RAB40B: variants seen among roughly 807,000 people sequenced by gnomAD.
The protein encoded by RAB40B is ras-related protein Rab-40B.
A neutral mutation model predicts 24.0 loss-of-function variants in RAB40B; 21 were observed. That is an observed-to-expected ratio of 0.88 (90% confidence interval 0.62 to 1.26). RAB40B has a LOEUF of 1.26. RAB40B is among the 50% of genes most tolerant of loss of function. The probability of loss-of-function intolerance (pLI) is 0.00; values close to 1 mark genes in which losing one functional copy is unlikely to be tolerated. For missense variants in RAB40B, 348 were observed against 390.5 expected (o/e 0.89, Z 0.92); for synonymous variants, 167 against 169.8 (o/e 0.98, Z 0.13).
intron 1 of RAB40B, among the ~76,000 whole-genome samples, chr17:82,690,901 G>A (rs558524309): frequency 6.6e-6 from 1 of 152,332 alleles, no homozygotes; most frequent in East Asian, 1.9e-4. Flanking sequence ...GGAGCATGGA[G>A]TGGGCACGCA....
Position 82,661,018 on chromosome 17 carries a change from G to T in RAB40B, c.233C>A (p.Thr78Asn). The T allele has an allele frequency of 2.5e-6, 4 of 1,614,080 alleles. No individual in the cohort carries two copies. In the East Asian group the frequency reaches 8.9e-5, roughly 36 times the overall value. The change falls in exon 3 of 6, where the codon ACC (threonine) becomes AAC (asparagine). Residue 78 changes from threonine (T) to asparagine (N), a missense_variant. Physicochemically the swap from Thr to Asn is moderately conservative, Grantham distance 65. Coordinates refer to ENST00000571995, the MANE Select transcript of RAB40B (RefSeq NM_006822.3). ...WDTSGQGRFCTIFRSYSRGAQ... is the reference protein window; with the variant it reads ...WDTSGQGRFCNIFRSYSRGAQ... ...GCCCCGGGAGTAGGAGCGGAATATG[G>T]TACAAAATCTTCCCTGGCCTGAAGT... is the stretch of plus-strand genomic sequence containing the variant.
chr17:82,659,813 A>G (rs2046139214), intron 3 of RAB40B, 156 bp from the exon 4 acceptor site: 1 of 628,856 alleles, frequency 1.6e-6, no homozygotes, highest in African/African-American at 1.8e-5. Context: ...TTTTATGATC[A>G]TTTTCAGTGA....
chr17:82,658,826 A>G, intron 4 of RAB40B, 113 bp from the exon 5 acceptor site: 1 of 932,296 alleles, frequency 1.1e-6, no homozygotes, highest in Non-Finnish European at 1.6e-6. Flanking sequence ...GTCCACCCAG[A>G]ACCTCAGCAT....
Position 82,679,004 on chromosome 17 carries a change from T to A in RAB40B, c.143-14448A>T, listed in dbSNP as rs1356614450. ...TTCACACCATTCTCCTGCCTCAGCC[T>A]CCCAGGTAGCTGGGACTACAGGCAC... On this transcript the variant is annotated intron_variant, in intron 1 of 5. Coordinates refer to ENST00000571995, the MANE Select transcript of RAB40B (RefSeq NM_006822.3). 4.1e-5 allele frequency among the ~76,000 whole-genome samples: 6 copies of A among 144,922 alleles called. No homozygotes were observed. In the Admixed American group the frequency reaches 4.4e-4, roughly 11 times the overall value.
chr17:82,690,488 T>C (rs2046545966), intron 1 of RAB40B, among the ~76,000 whole-genome samples: 1 of 135,616 alleles, frequency 7.4e-6, no homozygotes, highest in Admixed American at 7.4e-5. Flanking sequence ...GCACGTGTGT[T>C]GCCGGGGAGC....
chr17:82,658,890 C>T (rs1460818832), intron 4 of RAB40B, 177 bp from the exon 5 acceptor site: 5 of 606,548 alleles, frequency 8.2e-6, no homozygotes, highest in South Asian at 2.1e-5. Flanking sequence ...ACGGTGCGGC[C>T]GCACTGAATT....
At chr17:82,690,965 CTG>C (rs1349269624) in intron 1 of RAB40B, among the ~76,000 whole-genome samples, 2 of 152,214 alleles carry the variant, frequency 1.3e-5, no homozygotes, top group Non-Finnish European at 2.9e-5. Flanking sequence ...ACCCCAGCAA[CTG>C]TGTCACTTTC....
chr17:82,675,872 C>G lies in RAB40B; in HGVS notation c.143-11316G>C, dbSNP rs921812117. Among the ~76,000 whole-genome samples the G allele has an allele frequency of 6.6e-6, 1 of 152,036 alleles. No individual in the cohort carries two copies. The highest frequency in any genetic ancestry group is 1.5e-5 in the Non-Finnish European group (1 of 67,988). ...CTTGCAGGCGGGTGGGGAGATAAAACCTTAAAAAACAGTGCCCTCCATCTG... is the reference window on the plus strand; with the variant it reads ...CTTGCAGGCGGGTGGGGAGATAAAAGCTTAAAAAACAGTGCCCTCCATCTG... On this transcript the variant is annotated intron_variant, in intron 1 of 5. Transcript: ENST00000571995. The surrounding 1 kb of genome is among the most constrained non-coding windows in gnomAD (Gnocchi z 4.5).
At chr17:82,677,728 C>T (rs1300322594) in intron 1 of RAB40B, among the ~76,000 whole-genome samples, 36 of 152,214 alleles carry the variant, frequency 2.4e-4, no homozygotes, top group Admixed American at 2.4e-3. Flanking sequence ...GAGCCCGCAT[C>T]CTCTTTGCGC....
intron 1 of RAB40B, among the ~76,000 whole-genome samples, chr17:82,698,223 A>ACGAGGG (rs1432267190): frequency 6.6e-6 from 1 of 151,624 alleles, no homozygotes; most frequent in African/African-American, 2.4e-5. Context: ...ACGCCGCAGC[A>ACGAGGG]CGAGGGCCAG....
At chr17:82,680,621 T>A (rs2046439646) in intron 1 of RAB40B, among the ~76,000 whole-genome samples, 1 of 152,240 alleles carries the variant, frequency 6.6e-6, no homozygotes, top group African/African-American at 2.4e-5. Context: ...GTGTAGTTCA[T>A]TTCACTGTTT....
rs113115085 is a variant in RAB40B at position 82,663,966 on chromosome 17, C to T, written c.203+530G>A. The stretch of plus-strand genomic sequence containing the variant: ...TGCAGCTGGGGCTGGGGGTGCTCCC[C>T]GGGGCGCTGTGCCGACGGTGGTGGT... On this transcript the variant is annotated intron_variant, in intron 2 of 5. Transcript: ENST00000571995. This position sits in a 1 kb window ranked among gnomAD's most constrained non-coding sequence, Gnocchi z 6.2. Among the ~76,000 whole-genome samples, 67 of 149,932 alleles carry T rather than the reference C, an allele frequency of 4.5e-4. No individual in the cohort carries two copies. The highest frequency in any genetic ancestry group is 2.3e-3 in the Admixed American group (35 of 15,094).
chr17:82,679,130 G>A (rs1285024238), intron 1 of RAB40B, among the ~76,000 whole-genome samples: 10 of 150,594 alleles, frequency 6.6e-5, no homozygotes, highest in Non-Finnish European at 1.5e-4. Flanking sequence ...TGATCCACCT[G>A]CCTCGGCCTC....
intron 1 of RAB40B, 172 bp from the exon 2 acceptor site, chr17:82,664,728 GCCCT>G: frequency 1.6e-6 from 1 of 619,008 alleles, no homozygotes; most frequent in East Asian, 2.9e-5. Context: ...CCCTGCCTGC[GCCCT>G]CCCGCACCCG....
chr17:82,690,575 G>C (rs1044859317), intron 1 of RAB40B, among the ~76,000 whole-genome samples: 1 of 149,208 alleles, frequency 6.7e-6, no homozygotes, highest in Non-Finnish European at 1.5e-5. Flanking sequence ...TGTTGCCGGG[G>C]AGCAGAGAGT....
chr17:82,658,807 C>T (rs562978253), intron 4 of RAB40B, 94 bp from the exon 5 acceptor site: 29 of 1,134,508 alleles, frequency 2.6e-5, no homozygotes, highest in East Asian at 1.5e-4. Context: ...GAACCCCCCA[C>T]GAGTTCATGT....
At chr17:82,672,083 A>C (rs2046344739) in intron 1 of RAB40B, among the ~76,000 whole-genome samples, 1 of 123,254 alleles carries the variant, frequency 8.1e-6, no homozygotes. Context: ...TGCTCCCTGT[A>C]CTCACTGACA....
rs932844841 is a variant in RAB40B, at chr17:82,663,237, C to A, written c.203+1259G>T. 1.3e-5 allele frequency among the ~76,000 whole-genome samples: 2 copies of A among 151,202 alleles called. No homozygotes were observed. The highest frequency in any genetic ancestry group is 4.9e-5 in the African/African-American group (2 of 41,052). On this transcript the variant is annotated intron_variant, in intron 2 of 5. Transcript: ENST00000571995. This position sits in a 1 kb window ranked among gnomAD's most constrained non-coding sequence, Gnocchi z 6.2. ...CTCCCCAGGACTGGCCACTACTAGACGGGGCAGGCGTAGGAAGGGGACAGG... is the reference window on the plus strand; with the variant it reads ...CTCCCCAGGACTGGCCACTACTAGAAGGGGCAGGCGTAGGAAGGGGACAGG...
intron 1 of RAB40B, among the ~76,000 whole-genome samples, chr17:82,690,999 C>T (rs940832103): frequency 1.3e-5 from 2 of 152,214 alleles, no homozygotes; most frequent in African/African-American, 2.4e-5. Flanking sequence ...CTCTGATGCT[C>T]GTCTCCGGGA....
Sources: gnomAD v4.1 joint callset for allele counts (sites outside exome capture counted in the v4.1 genomes callset) on GRCh38, gnomAD v4.1.1 for gene constraint, Gnocchi (gnomAD v3.1) non-coding constraint, MANE v1.5 for transcripts, NCBI Gene and HGNC (gene_info 2026-07-23, HGNC 2026-07-21) for gene names.